The following NEO1 variants were observed in gnomAD, a reference collection of about 807,000 sequenced individuals.
NEO1 encodes neogenin 1.
In NEO1, 63 loss-of-function variants were observed where a neutral mutation model predicts 159.7. That is an observed-to-expected ratio of 0.39 (90% CI 0.32 to 0.49). The LOEUF (loss-of-function observed/expected upper bound fraction) is 0.49, where lower values mean the gene tolerates loss of function less well. NEO1 is among the 20% of genes least tolerant of loss of function. The pLI, the probability that NEO1 is intolerant of heterozygous loss-of-function variation, is 0.85. For missense variants in NEO1, 1,615 were observed against 1,831.0 expected (o/e 0.88, Z 2.15); for synonymous variants, 633 against 662.0 (o/e 0.96, Z 0.67).
chr15:73,250,690 A>G (rs952854222), intron 11 of NEO1, among the ~76,000 whole-genome samples: 3 of 152,124 alleles, frequency 2.0e-5, no homozygotes, highest in Non-Finnish European at 2.9e-5. Flanking sequence ...CTTAAAATAT[A>G]TTAGTTTTGT....
In NEO1 at chr15:73,268,403, A is replaced by T. The variant is rs556592718; in HGVS notation, c.2495-1607A>T. On this transcript the variant is annotated intron_variant, in intron 16 of 28. Coordinates refer to ENST00000261908, the MANE Select transcript of NEO1 (RefSeq NM_002499.4). Reference sequence around the variant, plus strand: ...AGATATGTTTTCTAAGGGTTGCTACATATAAGAAAAAAAATTTCTACAAGA... The same window carrying T: ...AGATATGTTTTCTAAGGGTTGCTACTTATAAGAAAAAAAATTTCTACAAGA... Among the ~76,000 whole-genome samples the T allele has an allele frequency of 3.9e-5, 6 of 152,352 alleles. No homozygotes were observed. The South Asian group carries it at 1.2e-3, about 32-fold the overall frequency.
chr15:73,099,415 C>T (rs2070275820), intron 1 of NEO1, among the ~76,000 whole-genome samples: 1 of 152,144 alleles, frequency 6.6e-6, no homozygotes, highest in South Asian at 2.1e-4. Flanking sequence ...GTTTACAGAC[C>T]TTGTGAGACT....
rs55887721 is a variant in NEO1, at chr15:73,238,271, G to GT, written c.1451+1794dup. On this transcript the variant is annotated intron_variant, in intron 8 of 28. Transcript: ENST00000261908. ...TTTGTTTGTTTCGCTTTTAGTTTGG[G>GT]TTTTTTTTTTTTTTTTTTTTTTTTT... is the stretch of plus-strand genomic sequence containing the variant. 7.7e-3 allele frequency among the ~76,000 whole-genome samples: 299 copies of GT among 38,846 alleles called. 24 individuals are homozygous for GT. Among genetic ancestry groups the GT allele is most frequent in the African/African-American group, 0.027 (220 of 8,086 alleles). 25.5% of individuals were successfully genotyped at this position (38,846 alleles called of 152,430 possible).
intron 8 of NEO1, among the ~76,000 whole-genome samples, chr15:73,238,710 A>C (rs778385524): frequency 6.6e-5 from 10 of 152,106 alleles, no homozygotes; most frequent in Non-Finnish European, 2.9e-5. Context: ...TAAATAAAAG[A>C]TATCCCAAGA....
rs200673722 is a variant in NEO1, at chr15:73,183,756, G to GA, written c.1291+5338dup. Among the ~76,000 whole-genome samples, 9 of 150,402 alleles carry GA rather than the reference G, an allele frequency of 6.0e-5. No individual in the cohort carries two copies. In the East Asian group the frequency reaches 9.8e-4, roughly 16 times the overall value. On this transcript the variant is annotated intron_variant, in intron 7 of 28. Transcript: ENST00000261908. ...GAGTGGTTGAAAACTCAGAGGAAAG[G>GA]AAAAAAAAAGAGAGAGAAACTCTCT...
intron 7 of NEO1, among the ~76,000 whole-genome samples, chr15:73,197,585 G>A (rs537491555): frequency 4.0e-5 from 6 of 151,702 alleles, no homozygotes. Flanking sequence ...AGAAAACATG[G>A]TATTTGTTTT....
At position 73,293,463 on chromosome 15, in the gene NEO1, T is replaced by A. The variant is rs779922331; in HGVS notation, c.3816T>A (p.Ser1272=). Residue 1272 remains serine, a synonymous_variant, in exon 26 of 29, where the codon TCT becomes TCA. Coordinates refer to ENST00000261908, the MANE Select transcript of NEO1 (RefSeq NM_002499.4). The part of the protein sequence containing the change: ...HHHFHSSSLA[S]PARSHLYHPG... ...ATTTCCACTCCAGCAGCCTCGCTTCTCCAGCTCGCAGTCATCTCTACCACC... is the reference window on the plus strand; with the variant it reads ...ATTTCCACTCCAGCAGCCTCGCTTCACCAGCTCGCAGTCATCTCTACCACC... 18 of 1,614,060 alleles carry A rather than the reference T, an allele frequency of 1.1e-5. No homozygotes were observed. The highest frequency in any genetic ancestry group is 3.3e-4 in the Middle Eastern group (2 of 6,084).
chr15:73,171,867 C>T (rs1234006156), intron 5 of NEO1, among the ~76,000 whole-genome samples: 1 of 151,896 alleles, frequency 6.6e-6, no homozygotes, highest in African/African-American at 2.4e-5. Flanking sequence ...GTCTTGAACT[C>T]CTGACCTCAG....
At chr15:73,140,913 A>G (rs538388170) in intron 5 of NEO1, among the ~76,000 whole-genome samples, 1 of 152,290 alleles carries the variant, frequency 6.6e-6, no homozygotes, top group Non-Finnish European at 1.5e-5. Context: ...AGACAAAACT[A>G]ATCTATGGTT....
chr15:73,158,595 A>G (rs998747615), intron 5 of NEO1, among the ~76,000 whole-genome samples: 2 of 151,824 alleles, frequency 1.3e-5, no homozygotes, highest in Non-Finnish European at 2.9e-5. Context: ...TCACTTTGTT[A>G]CCCAGGCTGG....
rs542442668 is a variant in NEO1, at chr15:73,228,234, A to G, written c.1292-8113A>G. ...TACAGATCTGTAGGCCACATGTAGT[A>G]AAAACCTTTGTTTCTTAGAGTCAGG... On this transcript the variant is annotated intron_variant, in intron 7 of 28. Coordinates refer to ENST00000261908, the MANE Select transcript of NEO1 (RefSeq NM_002499.4). 2.1e-4 allele frequency among the ~76,000 whole-genome samples: 32 copies of G among 152,324 alleles called. 2 individuals carry two copies. In the South Asian group the frequency reaches 6.4e-3, roughly 31 times the overall value.
At chr15:73,090,100 A>G (rs1055420195) in intron 1 of NEO1, among the ~76,000 whole-genome samples, 6 of 152,254 alleles carry the variant, frequency 3.9e-5, no homozygotes, top group Admixed American at 2.0e-4. Flanking sequence ...ATAATGAGAT[A>G]GAACTATAGG....
intron 7 of NEO1, among the ~76,000 whole-genome samples, chr15:73,195,074 C>T (rs889991000): frequency 6.6e-6 from 1 of 152,154 alleles, no homozygotes; most frequent in African/African-American, 2.4e-5. Context: ...CTGAGGTCCA[C>T]ATAATAATTT....
At chr15:73,196,872 C>T (rs754842956) in intron 7 of NEO1, among the ~76,000 whole-genome samples, 10 of 152,312 alleles carry the variant, frequency 6.6e-5, no homozygotes, top group Non-Finnish European at 1.3e-4. Flanking sequence ...CCACATTTCC[C>T]ATTCATTGGA....
chr15:73,121,320 C>G (rs1156483976), intron 2 of NEO1, among the ~76,000 whole-genome samples: 1 of 152,034 alleles, frequency 6.6e-6, no homozygotes, highest in East Asian at 1.9e-4. Flanking sequence ...TTTTCCTTGC[C>G]TCATTTTGAG....
chr15:73,140,214 A>G (rs769747032), intron 5 of NEO1, among the ~76,000 whole-genome samples: 1 of 152,228 alleles, frequency 6.6e-6, no homozygotes, highest in Non-Finnish European at 1.5e-5. Context: ...TGACAGGAGT[A>G]TACACTGACA....
chr15:73,162,695 G>A, intron 5 of NEO1: 1 of 164,756 alleles, frequency 6.1e-6, no homozygotes, highest in Non-Finnish European at 1.3e-5. Flanking sequence ...ATCATGCCTG[G>A]CCAGTTGCCA....
chr15:73,200,300 G>GCC (rs992517324), intron 7 of NEO1, among the ~76,000 whole-genome samples: 3 of 152,028 alleles, frequency 2.0e-5, no homozygotes, highest in Non-Finnish European at 2.9e-5. Context: ...AAATTGGTTG[G>GCC]CCCAGAGTGG....
rs528056563 is a variant in NEO1 at position 73,281,213 on chromosome 15, A to C, written c.3263-1751A>C. Among the ~76,000 whole-genome samples the C allele has an allele frequency of 1.5e-3, 220 of 147,108 alleles. 1 individual carries two copies. The highest frequency in any genetic ancestry group is 5.2e-3 in the African/African-American group (208 of 40,202). On this transcript the variant is annotated intron_variant, in intron 22 of 28. Transcript: ENST00000261908. ...ACAGAGCGAGACTCAAAAAAAAAAA[A>C]AACACATAAATTTATAAGCCAGGTT...
Sources: gnomAD v4.1 joint callset for allele counts (sites outside exome capture counted in the v4.1 genomes callset) on GRCh38, gnomAD v4.1.1 for gene constraint, MANE v1.5 for transcripts, NCBI Gene and HGNC (gene_info 2026-07-23, HGNC 2026-07-21) for gene names.